TMEM117: variants seen among roughly 807,000 people sequenced by gnomAD.
TMEM117 encodes the protein transmembrane protein 117.
In TMEM117, 27 loss-of-function variants were observed where a neutral mutation model predicts 52.4. That is an observed-to-expected ratio of 0.51 (90% CI 0.38 to 0.71). The LOEUF (loss-of-function observed/expected upper bound fraction) is 0.71, where lower values mean the gene tolerates loss of function less well. TMEM117 is among the 30% of genes least tolerant of loss of function. TMEM117 has a pLI of 0.00. For synonymous variants in TMEM117, 215 were observed against 206.3 expected (o/e 1.04, Z -0.36); for missense variants, 556 against 630.5 (o/e 0.88, Z 1.26).
chr12:43,906,959 A>G (rs1428338761), intron 2 of TMEM117, among the ~76,000 whole-genome samples: 1 of 152,242 alleles, frequency 6.6e-6, no homozygotes, highest in Non-Finnish European at 1.5e-5. Flanking sequence ...AGGTAAACAA[A>G]GCAGCTGGGA....
intron 2 of TMEM117, among the ~76,000 whole-genome samples, chr12:43,862,241 T>A (rs1943502991): frequency 6.6e-6 from 1 of 152,168 alleles, no homozygotes. Flanking sequence ...TGCTCTCGGC[T>A]CACTGCAAGC....
chr12:44,185,873 C>T (rs1441156940), intron 4 of TMEM117, among the ~76,000 whole-genome samples: 1 of 82,230 alleles, frequency 1.2e-5, no homozygotes, highest in Admixed American at 1.2e-4. Context: ...AAGACATACA[C>T]ACACACACAC....
At position 44,388,474 on chromosome 12, in the gene TMEM117, T is replaced by C; in HGVS notation, c.1347T>C (p.Thr449=). 1 of 1,613,370 alleles carries C rather than the reference T, an allele frequency of 6.2e-7. No homozygotes were observed. The highest frequency in any genetic ancestry group is 8.5e-7 in the Non-Finnish European group (1 of 1,179,674). The change falls in exon 8 of 8, where the codon ACT becomes ACC. Residue 449 remains threonine (T), a synonymous_variant. Transcript: ENST00000266534. ...PSEHSKDMGI[T]RENTQASVED... ...AACATAGCAAAGACATGGGAATCACTCGAGAAAACACCCAGGCTTCAGTAG... is the reference window on the plus strand; with the variant it reads ...AACATAGCAAAGACATGGGAATCACCCGAGAAAACACCCAGGCTTCAGTAG...
At chr12:44,195,255 C>G (rs189868611) in intron 4 of TMEM117, among the ~76,000 whole-genome samples, 1 of 152,170 alleles carries the variant, frequency 6.6e-6, no homozygotes, top group African/African-American at 2.4e-5. Flanking sequence ...GCTGAGGTCC[C>G]TGTTTCCTTT....
intron 2 of TMEM117, among the ~76,000 whole-genome samples, chr12:43,847,059 A>T (rs1319193585): frequency 6.6e-6 from 1 of 152,236 alleles, no homozygotes; most frequent in African/African-American, 2.4e-5. Flanking sequence ...AGTGCTAAAA[A>T]TGGAAGAAGG....
chr12:44,236,905 T>C (rs1364686493), intron 5 of TMEM117, among the ~76,000 whole-genome samples: 1 of 152,060 alleles, frequency 6.6e-6, no homozygotes, highest in African/African-American at 2.4e-5. Context: ...AAGGATGTAG[T>C]CTTTCATGCT....
At chr12:44,364,295 T>A (rs1951761595) in intron 6 of TMEM117, among the ~76,000 whole-genome samples, 1 of 152,172 alleles carries the variant, frequency 6.6e-6, no homozygotes, top group African/African-American at 2.4e-5. Context: ...GTAAAAATTT[T>A]ATGAGATATT....
intron 2 of TMEM117, among the ~76,000 whole-genome samples, chr12:43,877,400 G>A (rs982223288): frequency 6.6e-5 from 10 of 152,002 alleles, no homozygotes; most frequent in African/African-American, 2.2e-4. Flanking sequence ...TTGGGACACC[G>A]AGGCAGGTGG....
intron 2 of TMEM117, among the ~76,000 whole-genome samples, chr12:43,858,212 T>C (rs2447114): frequency 0.73 from 111,372 of 152,172 alleles, 43,782 homozygotes; most frequent in East Asian, 0.94. Flanking sequence ...CTGCCTGCCT[T>C]CAAGGTCATA....
chr12:44,267,789 AT>A (rs1950397160), intron 5 of TMEM117, among the ~76,000 whole-genome samples: 1 of 152,138 alleles, frequency 6.6e-6, no homozygotes, highest in African/African-American at 2.4e-5. Context: ...GACTTACTTT[AT>A]TCAACATAAG....
Position 44,258,276 on chromosome 12 carries a change from T to C in TMEM117, c.609-41304T>C, listed in dbSNP as rs561406340. On this transcript the variant is annotated intron_variant, in intron 5 of 7. Transcript: ENST00000266534. ...CATTCAAAAATGTTTTTATATATTTTTGACATTAGTTCCTCTTACCTCAGG... is the reference window on the plus strand; with the variant it reads ...CATTCAAAAATGTTTTTATATATTTCTGACATTAGTTCCTCTTACCTCAGG... Among the ~76,000 whole-genome samples the C allele has an allele frequency of 3.3e-5, 5 of 152,292 alleles. No homozygotes were observed. The East Asian group carries it at 9.6e-4, about 29-fold the overall frequency.
chr12:44,209,017 A>G (rs1458991486), intron 4 of TMEM117, among the ~76,000 whole-genome samples: 2 of 152,102 alleles, frequency 1.3e-5, no homozygotes, highest in Non-Finnish European at 2.9e-5. Flanking sequence ...TAAATCTTTT[A>G]AAAGTCTAAT....
intron 3 of TMEM117, chr12:44,010,210 T>C (rs1438837629): frequency 2.0e-6 from 1 of 498,670 alleles, no homozygotes; most frequent in South Asian, 1.4e-5. Flanking sequence ...CTCTGACAAA[T>C]GAGGGTGCAT....
chr12:44,385,635 C>T (rs553595293), intron 7 of TMEM117, among the ~76,000 whole-genome samples: 1 of 152,164 alleles, frequency 6.6e-6, no homozygotes, highest in South Asian at 2.1e-4. Context: ...AGACGGTGAT[C>T]AGTCATACAA....
At chr12:44,253,537 A>G (rs761725379) in intron 5 of TMEM117, among the ~76,000 whole-genome samples, 3 of 152,266 alleles carry the variant, frequency 2.0e-5, no homozygotes, top group South Asian at 2.1e-4. Context: ...GTTGTGGGTT[A>G]TAAGGAGCTC....
intron 3 of TMEM117, among the ~76,000 whole-genome samples, chr12:43,980,488 G>A (rs1005109869): frequency 3.9e-5 from 6 of 152,152 alleles, no homozygotes; most frequent in African/African-American, 1.2e-4. Context: ...GTAGCTTTAA[G>A]CAGCTGCTTC....
At chr12:44,082,372 T>C (rs1947495330) in intron 3 of TMEM117, among the ~76,000 whole-genome samples, 1 of 152,142 alleles carries the variant, frequency 6.6e-6, no homozygotes, top group South Asian at 2.1e-4. Flanking sequence ...GGATGTATTA[T>C]CTATGGGTTC....
At chr12:44,222,580 G>C (rs1164634860) in intron 5 of TMEM117, among the ~76,000 whole-genome samples, 2 of 152,110 alleles carry the variant, frequency 1.3e-5, no homozygotes, top group Non-Finnish European at 2.9e-5. Flanking sequence ...TGGTATAGGG[G>C]AATAAGATCC....
chr12:44,308,408 C>A (rs1950930243), intron 6 of TMEM117, among the ~76,000 whole-genome samples: 1 of 151,976 alleles, frequency 6.6e-6, no homozygotes, highest in South Asian at 2.1e-4. Flanking sequence ...CAAGGTTGGC[C>A]CTGGAAGTCT....
Sources: gnomAD v4.1 joint callset for allele counts (sites outside exome capture counted in the v4.1 genomes callset) on GRCh38, gnomAD v4.1.1 for gene constraint, MANE v1.5 for transcripts, NCBI Gene and HGNC (gene_info 2026-07-23, HGNC 2026-07-21) for gene names.